The following SPHKAP variants were observed in gnomAD, a reference collection of about 807,000 sequenced individuals.
SPHKAP encodes SPHK1 interactor, AKAP domain containing, also known as A-kinase anchor protein SPHKAP.
A neutral mutation model predicts 137.5 loss-of-function variants in SPHKAP; 67 were observed. The observed-to-expected ratio is 0.49, with a 90% confidence interval of 0.40 to 0.60. SPHKAP has a LOEUF of 0.60. SPHKAP is among the 20% of genes least tolerant of loss of function. SPHKAP has a pLI of 0.00. For missense variants in SPHKAP, 2,097 were observed against 2,069.3 expected, an observed-to-expected ratio of 1.01 and a Z score of -0.26; for synonymous variants, 813 against 785.3, an observed-to-expected ratio of 1.04 and a Z score of -0.59.
intron 3 of SPHKAP, among the ~76,000 whole-genome samples, chr2:228,036,444 A>G (rs1035820096): frequency 6.6e-6 from 1 of 152,224 alleles, no homozygotes; most frequent in African/African-American, 2.4e-5. Context: ...GGCACTGTAA[A>G]CTAGTTCAAC....
At chr2:228,042,283 CA>C (rs1371141286) in intron 3 of SPHKAP, among the ~76,000 whole-genome samples, 1 of 152,126 alleles carries the variant, frequency 6.6e-6, no homozygotes, top group Non-Finnish European at 1.5e-5. Context: ...CTCTGAACCA[CA>C]ACTATTTAAT....
At chr2:228,009,779 A>G (rs1225229465) in intron 7 of SPHKAP, among the ~76,000 whole-genome samples, 1 of 151,644 alleles carries the variant, frequency 6.6e-6, no homozygotes, top group Non-Finnish European at 1.5e-5. Flanking sequence ...CTTTATTTTT[A>G]GGGCTAGTTT....
At position 227,994,091 on chromosome 2, in the gene SPHKAP, T is replaced by C. The variant is rs573558981; in HGVS notation, c.4635-471A>G. 4 of 985,328 alleles carry C rather than the reference T, an allele frequency of 4.1e-6. No homozygotes were observed. The East Asian group carries it at 3.4e-4, about 84-fold the overall frequency. The allele number at this position is 985,328 out of a possible 1,614,324, so 61.0% of individuals were successfully genotyped here. On this transcript the variant is annotated intron_variant, in intron 8 of 11. Coordinates refer to ENST00000392056, the MANE Select transcript of SPHKAP (RefSeq NM_001142644.2). ...GGACTCATGTTCTCCCTTTGACATT[T>C]GGGGGATTTTCTCAGGGACATTCCA...
At chr2:228,049,856 C>G (rs947670442) in intron 3 of SPHKAP, among the ~76,000 whole-genome samples, 2 of 152,106 alleles carry the variant, frequency 1.3e-5, no homozygotes, top group Admixed American at 1.3e-4. Context: ...GCATAGCATT[C>G]CATGGTATAT....
At chr2:228,111,235 C>A (rs1017971783) in intron 2 of SPHKAP, among the ~76,000 whole-genome samples, 1 of 152,104 alleles carries the variant, frequency 6.6e-6, no homozygotes, top group African/African-American at 2.4e-5. Context: ...GAGTTGAAAT[C>A]CTAACTTGGT....
intron 3 of SPHKAP, among the ~76,000 whole-genome samples, chr2:228,033,285 C>T (rs1268244965): frequency 2.0e-5 from 3 of 152,230 alleles, no homozygotes; most frequent in African/African-American, 7.2e-5. Context: ...ACAAAGAAGG[C>T]CATTACATAA....
chr2:228,026,952 G>A (rs956872551), intron 4 of SPHKAP, among the ~76,000 whole-genome samples: 1 of 152,198 alleles, frequency 6.6e-6, no homozygotes, highest in Non-Finnish European at 1.5e-5. Flanking sequence ...CCTTATTACA[G>A]CACTTAATTC....
intron 11 of SPHKAP, among the ~76,000 whole-genome samples, chr2:227,988,011 T>C (rs548197087): frequency 1.3e-5 from 2 of 152,336 alleles, no homozygotes; most frequent in Admixed American, 1.3e-4. Context: ...GAGAAGCTAA[T>C]GAGACACTGC....
chr2:228,033,621 A>C (rs1386569530), intron 3 of SPHKAP, among the ~76,000 whole-genome samples: 1 of 152,222 alleles, frequency 6.6e-6, no homozygotes, highest in Non-Finnish European at 1.5e-5. Flanking sequence ...TTGACCATAT[A>C]GTTGGAAGTA....
chr2:227,991,182 G>C lies in SPHKAP; in HGVS notation c.4777C>G (p.Pro1593Ala). ...GTTCCCGTAGGCGGTCCAGATGCAGGTGCTGAGAACAGACACAACCACAGC... is the reference window on the plus strand; with the variant it reads ...GTTCCCGTAGGCGGTCCAGATGCAGCTGCTGAGAACAGACACAACCACAGC... ...LKGQSESTEA[P>A]ASGPPTGTAS... The change falls in exon 11 of 12, where the codon CCT (proline) becomes GCT (alanine). Residue 1593 changes from proline to alanine, a missense_variant and splice_region_variant. Pro to Ala is a conservative substitution (Grantham distance 27, BLOSUM62 -1). Coordinates refer to ENST00000392056, the MANE Select transcript of SPHKAP (RefSeq NM_001142644.2). 6.2e-7 allele frequency: 1 copy of C among 1,614,084 alleles called. No individual in the cohort carries two copies. The highest frequency in any genetic ancestry group is 1.3e-5 in the African/African-American group (1 of 75,042).
chr2:228,047,950 G>A (rs1696124559), intron 3 of SPHKAP, among the ~76,000 whole-genome samples: 1 of 152,210 alleles, frequency 6.6e-6, no homozygotes, highest in Non-Finnish European at 1.5e-5. Flanking sequence ...ACGTGGAAAG[G>A]AGAGTACACT....
At chr2:228,042,531 A>G (rs1695891758) in intron 3 of SPHKAP, among the ~76,000 whole-genome samples, 1 of 152,216 alleles carries the variant, frequency 6.6e-6, no homozygotes, top group African/African-American at 2.4e-5. Flanking sequence ...TCCCAGCCCT[A>G]GGCAACTATT....
intron 7 of SPHKAP, among the ~76,000 whole-genome samples, chr2:228,002,032 G>A (rs188765334): frequency 2.6e-5 from 4 of 152,208 alleles, no homozygotes; most frequent in Non-Finnish European, 4.4e-5. Context: ...ATAAACATAC[G>A]TGTGCATGTG....
intron 1 of SPHKAP, among the ~76,000 whole-genome samples, chr2:228,179,371 A>G (rs927678103): frequency 1.7e-4 from 26 of 152,236 alleles, no homozygotes; most frequent in African/African-American, 6.0e-4. Flanking sequence ...TAGCATGACT[A>G]ATACATGATT....
chr2:228,108,998 GCT>G (rs1224004669), intron 2 of SPHKAP, 59 bp from the exon 3 acceptor site: 30 of 1,056,402 alleles, frequency 2.8e-5, no homozygotes, highest in Non-Finnish European at 3.7e-5. Context: ...CTAAACAGCA[GCT>G]CTCTCTCTTT....
intron 3 of SPHKAP, among the ~76,000 whole-genome samples, chr2:228,037,770 A>G (rs529944057): frequency 6.6e-6 from 1 of 152,230 alleles, no homozygotes; most frequent in African/African-American, 2.4e-5. Context: ...AACCATGTGA[A>G]TACATTGATA....
At chr2:228,114,410 A>G (rs187671844) in intron 2 of SPHKAP, among the ~76,000 whole-genome samples, 2 of 152,178 alleles carry the variant, frequency 1.3e-5, no homozygotes, top group African/African-American at 4.8e-5. Context: ...AGTAATTTAA[A>G]TTGGAGAAGA....
chr2:228,066,179 A>G (rs1306742276), intron 3 of SPHKAP, among the ~76,000 whole-genome samples: 1 of 152,196 alleles, frequency 6.6e-6, no homozygotes, highest in South Asian at 2.1e-4. Flanking sequence ...TCTAATAATT[A>G]TACAATGGAA....
rs752563447 is a variant in SPHKAP at position 228,017,512 on chromosome 2, G to C, written c.3342C>G (p.Ser1114Arg). Residue 1114 changes from serine (S) to arginine (R), a missense_variant, in exon 7 of 12, where the codon AGC (serine) becomes AGG (arginine). Coordinates refer to ENST00000392056, the MANE Select transcript of SPHKAP (RefSeq NM_001142644.2). ...STLSQPVSRA[S>R]SVSKQSSCES... ...CACAGCTCGACTGCTTGGAGACAGA[G>C]CTGGCCCTGCTGACCGGCTGGCTCA... 47 of 1,613,290 alleles carry C rather than the reference G, an allele frequency of 2.9e-5. No individual in the cohort carries two copies. The highest frequency in any genetic ancestry group is 2.5e-5 in the Non-Finnish European group (30 of 1,179,826).
Sources: allele counts gnomAD v4.1 joint callset (sites outside exome capture counted in the v4.1 genomes callset), GRCh38; gene constraint gnomAD v4.1.1; transcripts MANE v1.5; gene names NCBI Gene and HGNC (gene_info 2026-07-23, HGNC 2026-07-21).